Variants in MTCL2 observed in about 807,000 individuals in gnomAD.
MTCL2 encodes the protein microtubule crosslinking factor 2.
chr20:36,801,214 C>G, the MTCL2 span, among the ~76,000 whole-genome samples: 1 of 152,104 alleles, frequency 6.6e-6, no homozygotes, highest in South Asian at 2.1e-4. Flanking sequence ...CTTCAGGTCA[C>G]AACTTTCAAT....
the MTCL2 span, among the ~76,000 whole-genome samples, chr20:36,809,264 C>T: frequency 3.3e-5 from 5 of 152,286 alleles, no homozygotes; most frequent in South Asian, 6.2e-4. Context: ...TCCCCATCTG[C>T]AAAATGGTGA....
At chr20:36,794,172 A>C in the MTCL2 span, 2 of 1,550,848 alleles carry the variant, frequency 1.3e-6, no homozygotes, top group Non-Finnish European at 8.7e-7. The surrounding 1 kb of genome is among the most constrained non-coding windows in gnomAD (Gnocchi z 5.4). Flanking sequence ...TTGCAGAGCC[A>C]CCGACCATAG....
chr20:36,839,201 C>G, the MTCL2 span: 1 of 1,579,290 alleles, frequency 6.3e-7, no homozygotes, highest in South Asian at 1.1e-5. This position sits in a 1 kb window ranked among gnomAD's most constrained non-coding sequence, Gnocchi z 5.1. Context: ...ACAAGGGCAC[C>G]CGAGCCCAGG....
At chr20:36,784,737 G>C in the MTCL2 span, 1 of 985,618 alleles carries the variant, frequency 1.0e-6, no homozygotes, top group Non-Finnish European at 1.2e-6. Context: ...ACGTGAGGAA[G>C]GGCGGGCAGC....
the MTCL2 span, chr20:36,815,798 G>T: frequency 6.3e-7 from 1 of 1,592,200 alleles, no homozygotes; most frequent in Non-Finnish European, 8.6e-7. The surrounding 1 kb of genome is among the most constrained non-coding windows in gnomAD (Gnocchi z 5.3). Flanking sequence ...CGTGCTCCGA[G>T]CGGAACTTGG....
the MTCL2 span, among the ~76,000 whole-genome samples, chr20:36,792,820 T>A: frequency 6.6e-6 from 1 of 151,536 alleles, no homozygotes; most frequent in Admixed American, 6.6e-5. Flanking sequence ...AATTTTTATT[T>A]TATATATATA....
the MTCL2 span, chr20:36,803,092 C>T: frequency 6.2e-7 from 1 of 1,606,264 alleles, no homozygotes; most frequent in Non-Finnish European, 8.5e-7. Context: ...GCCCCCTTCC[C>T]TGTCTTCAGC....
At chr20:36,845,808 T>C in the MTCL2 span, among the ~76,000 whole-genome samples, 1 of 151,870 alleles carries the variant, frequency 6.6e-6, no homozygotes, top group Non-Finnish European at 1.5e-5. Context: ...AGGAGAGCTC[T>C]CCAGTGACAG....
At chr20:36,822,129 C>T in the MTCL2 span, among the ~76,000 whole-genome samples, 3 of 152,248 alleles carry the variant, frequency 2.0e-5, no homozygotes, top group African/African-American at 4.8e-5. Flanking sequence ...GAAAACAAGG[C>T]GGGCTCAGAG....
chr20:36,778,134 G>A, the MTCL2 span: 1 of 299,804 alleles, frequency 3.3e-6, no homozygotes, highest in Admixed American at 5.3e-5. Context: ...CAAACAATGT[G>A]TGCTTTCTCC....
At chr20:36,854,190 A>G in the MTCL2 span, among the ~76,000 whole-genome samples, 1 of 151,950 alleles carries the variant, frequency 6.6e-6, no homozygotes, top group Non-Finnish European at 1.5e-5. Context: ...AGGCTGCATG[A>G]CCTCTAACAA....
the MTCL2 span, chr20:36,804,733 A>G: frequency 5.6e-6 from 9 of 1,612,686 alleles, no homozygotes; most frequent in Non-Finnish European, 7.6e-6. Context: ...TGGGGGGCTC[A>G]CCTGGGAGGT....
the MTCL2 span, among the ~76,000 whole-genome samples, chr20:36,816,806 G>A: frequency 6.6e-6 from 1 of 152,182 alleles, no homozygotes; most frequent in Admixed American, 6.5e-5. Context: ...GCAGTCAAGT[G>A]GCAGAGCCAA....
chr20:36,815,634 C>A, the MTCL2 span: 6 of 1,604,816 alleles, frequency 3.7e-6, no homozygotes, highest in Non-Finnish European at 5.1e-6. This position sits in a 1 kb window ranked among gnomAD's most constrained non-coding sequence, Gnocchi z 5.3. Context: ...GAGGTCACAG[C>A]GCTGGAGGTT....
chr20:36,856,201 C>T, the MTCL2 span, among the ~76,000 whole-genome samples: 3 of 152,304 alleles, frequency 2.0e-5, no homozygotes, highest in Admixed American at 6.5e-5. Context: ...TTTATTGAGC[C>T]CCTACAACAT....
the MTCL2 span, among the ~76,000 whole-genome samples, chr20:36,850,139 C>G: frequency 6.6e-6 from 1 of 152,176 alleles, no homozygotes; most frequent in Admixed American, 6.5e-5. Flanking sequence ...TATGCCAAGG[C>G]TGGCTCAGGG....
the MTCL2 span, among the ~76,000 whole-genome samples, chr20:36,792,849 T>TAGAC: frequency 2.1e-3 from 311 of 146,612 alleles, 2 homozygotes; most frequent in Admixed American, 3.6e-3. Flanking sequence ...GATAGATAGA[T>TAGAC]AGATAGATAG....
At chr20:36,835,866 C>A in the MTCL2 span, among the ~76,000 whole-genome samples, 8 of 152,158 alleles carry the variant, frequency 5.3e-5, no homozygotes, top group Admixed American at 1.3e-4. Flanking sequence ...CCGCCGCCGC[C>A]GCTGCTCTAG....
the MTCL2 span, chr20:36,859,667 C>A: frequency 8.1e-7 from 1 of 1,231,780 alleles, no homozygotes; most frequent in Non-Finnish European, 1.0e-6. Flanking sequence ...CCATACCAGA[C>A]TGGAGATCAC....
Sources: allele counts gnomAD v4.1 joint callset (sites outside exome capture counted in the v4.1 genomes callset), GRCh38; gene constraint gnomAD v4.1.1; non-coding constraint Gnocchi (gnomAD v3.1); transcripts MANE v1.5; gene names NCBI Gene and HGNC (gene_info 2026-07-23, HGNC 2026-07-21).